PSD2: variants seen among roughly 807,000 people sequenced by gnomAD.
The protein encoded by PSD2 is pleckstrin and Sec7 domain containing 2.
A neutral mutation model predicts 69.8 loss-of-function variants in PSD2; 38 were observed. That is an observed-to-expected ratio of 0.54 (90% CI 0.42 to 0.71). The LOEUF (loss-of-function observed/expected upper bound fraction) is 0.71, where lower values mean the gene tolerates loss of function less well. PSD2 is among the 30% of genes least tolerant of loss of function. The probability of loss-of-function intolerance (pLI) is 0.00; values close to 1 mark genes in which losing one functional copy is unlikely to be tolerated. For synonymous variants in PSD2, 412 were observed against 423.0 expected (o/e 0.97, Z 0.32); for missense variants, 943 against 1,014.5 (o/e 0.93, Z 0.96).
chr5:139,821,479 T>A (rs7723670), intron 5 of PSD2, among the ~76,000 whole-genome samples: 1 of 151,864 alleles, frequency 6.6e-6, no homozygotes, highest in African/African-American at 2.4e-5. Flanking sequence ...GCTCAGCTGG[T>A]GGCACATGAA....
Position 139,839,936 on chromosome 5 carries a change from T to G in PSD2, c.1969-91T>G. ...GATGCTGGCTAGGCCTTCATTTCCC[T>G]TTGGTGGAGCAGCTCCTGGTAGAAC... On this transcript the variant is annotated intron_variant, in intron 13 of 14. Coordinates refer to ENST00000274710, the MANE Select transcript of PSD2 (RefSeq NM_032289.4). The surrounding 1 kb of genome is among the most constrained non-coding windows in gnomAD (Gnocchi z 5.1). The G allele has an allele frequency of 2.1e-6, 3 of 1,462,972 alleles. No individual in the cohort carries two copies. The South Asian group carries it at 3.7e-5, about 18-fold the overall frequency. 90.6% of individuals were successfully genotyped at this position (1,462,972 alleles called of 1,614,324 possible).
the PSD2 span, among the ~76,000 whole-genome samples, chr5:139,776,267 G>A: frequency 6.6e-6 from 1 of 152,368 alleles, no homozygotes; most frequent in South Asian, 2.1e-4. Flanking sequence ...CCCAAGGGCT[G>A]TAAGCTGGGA....
chr5:139,809,804 C>T lies in PSD2; in HGVS notation c.364C>T (p.Gln122Ter), dbSNP rs1759913417. 6.2e-7 allele frequency: 1 copy of T among 1,613,942 alleles called. No homozygotes were observed. The highest frequency in any genetic ancestry group is 8.5e-7 in the Non-Finnish European group (1 of 1,180,024). The change falls in exon 2 of 15, where the codon CAG becomes TAG. Residue 122 changes from glutamine (Q) to a stop codon, truncating the protein, a stop_gained. Transcript: ENST00000274710. LOFTEE classifies it high-confidence loss of function. ...RSLYPDAEDPQLGLDGPGEPD... is the reference protein window; with the variant it reads ...RSLYPDAEDP ...CCTCTACCCAGATGCTGAGGACCCT[C>T]AGCTGGGGTGAGTGGATGTCTTGGG...
Position 139,795,922 on chromosome 5 carries a change from G to A in PSD2, c.-104G>A, listed in dbSNP as rs1424366224. ...GGCGGGGCGGGACAGGCAGCCCGGC[G>A]GCCTCCGATGGCCCCGCCGTGAGAG... On this transcript the variant is annotated 5_prime_UTR_variant, in exon 1 of 15. Transcript: ENST00000274710. The surrounding 1 kb of genome is among the most constrained non-coding windows in gnomAD (Gnocchi z 4.5). 1.5e-4 allele frequency: 22 copies of A among 150,468 alleles called. No homozygotes were observed. The highest frequency in any genetic ancestry group is 5.3e-4 in the African/African-American group (22 of 41,246). The allele number at this position is 150,468 out of a possible 1,614,324, so 9.3% of individuals were successfully genotyped here.
At chr5:139,830,557 CCTTCCTTCCTTTCTTT>C (rs1760553173) in intron 7 of PSD2, among the ~76,000 whole-genome samples, 2 of 132,990 alleles carry the variant, frequency 1.5e-5, no homozygotes, top group African/African-American at 6.5e-5. Flanking sequence ...TTCCTTCCTT[CCTTCCTTCCTTTCTTT>C]CTTTCTTTCT....
the PSD2 span, among the ~76,000 whole-genome samples, chr5:139,787,270 T>G: frequency 6.6e-6 from 1 of 152,186 alleles, no homozygotes; most frequent in Non-Finnish European, 1.5e-5. Flanking sequence ...ATGCCTGAGC[T>G]GCAGGCTAAG....
upstream of PSD2, among the ~76,000 whole-genome samples, chr5:139,793,547 G>A (rs759816073): frequency 4.6e-5 from 7 of 152,206 alleles, no homozygotes; most frequent in Admixed American, 2.0e-4. Context: ...GATCCAGGGG[G>A]CAGAGACTAG....
chr5:139,831,401 AT>A (rs1359016798), intron 7 of PSD2, among the ~76,000 whole-genome samples: 1 of 152,170 alleles, frequency 6.6e-6, no homozygotes, highest in African/African-American at 2.4e-5. Context: ...GAATTATGAT[AT>A]ATTTGAGTTT....
chr5:139,817,281 G>A lies in PSD2; in HGVS notation c.1017-200G>A, dbSNP rs190881755. ...GCTCGTAATTCCCTGTGTTGACTGA[G>A]ACATCACCTCCTCCAGAAAGCCTTC... On this transcript the variant is annotated intron_variant, in intron 4 of 14. Coordinates refer to ENST00000274710, the MANE Select transcript of PSD2 (RefSeq NM_032289.4). Among the ~76,000 whole-genome samples the A allele has an allele frequency of 9.2e-5, 14 of 151,678 alleles. No individual in the cohort carries two copies. In the East Asian group the frequency reaches 2.5e-3, roughly 28 times the overall value.
chr5:139,839,753 T>C lies in PSD2; in HGVS notation c.1969-274T>C, dbSNP rs1437378007. Among the ~76,000 whole-genome samples the C allele has an allele frequency of 1.3e-5, 2 of 152,142 alleles. No homozygotes were observed. Among genetic ancestry groups the C allele is most frequent in the Non-Finnish European group, 2.9e-5 (2 of 68,020 alleles). On this transcript the variant is annotated intron_variant, in intron 13 of 14. Transcript: ENST00000274710. The surrounding 1 kb of genome is among the most constrained non-coding windows in gnomAD (Gnocchi z 5.1). ...GTGTCAGGGACTGTCTATGTGCACATATAAGTGTGAGCATCTCTTGTCTCC... is the reference window on the plus strand; with the variant it reads ...GTGTCAGGGACTGTCTATGTGCACACATAAGTGTGAGCATCTCTTGTCTCC...
the PSD2 span, among the ~76,000 whole-genome samples, chr5:139,788,572 G>A: frequency 2.0e-5 from 3 of 152,206 alleles, no homozygotes; most frequent in African/African-American, 7.2e-5. Flanking sequence ...AGGCCTGGAC[G>A]GCCAGCTGGA....
chr5:139,757,508 A>T, the PSD2 span, among the ~76,000 whole-genome samples: 1 of 152,160 alleles, frequency 6.6e-6, no homozygotes, highest in South Asian at 2.1e-4. Flanking sequence ...GCAGTCCCTG[A>T]AGGGAATGGA....
chr5:139,820,251 A>G (rs1342496387), intron 5 of PSD2, among the ~76,000 whole-genome samples: 1 of 151,920 alleles, frequency 6.6e-6, no homozygotes, highest in Non-Finnish European at 1.5e-5. Flanking sequence ...AGGAGTTGGG[A>G]TGGATGGCTC....
chr5:139,788,234 C>A, the PSD2 span, among the ~76,000 whole-genome samples: 4 of 152,018 alleles, frequency 2.6e-5, no homozygotes, highest in Admixed American at 2.0e-4. Context: ...CCGAGCTCCC[C>A]CTGCGGGAAC....
intron 4 of PSD2, among the ~76,000 whole-genome samples, chr5:139,816,819 A>T (rs953386907): frequency 6.6e-6 from 1 of 151,958 alleles, no homozygotes; most frequent in African/African-American, 2.4e-5. Context: ...GCTCAGCCCC[A>T]CCCTGAGCTG....
chr5:139,745,703 C>G, the PSD2 span, among the ~76,000 whole-genome samples: 1 of 152,240 alleles, frequency 6.6e-6, no homozygotes, highest in Non-Finnish European at 1.5e-5. Context: ...CCACTCCCTT[C>G]AGAGCAAACC....
upstream of PSD2, among the ~76,000 whole-genome samples, chr5:139,790,912 G>T (rs1759404687): frequency 6.6e-6 from 1 of 151,924 alleles, no homozygotes; most frequent in Non-Finnish European, 1.5e-5. Context: ...TGGTGGTTGG[G>T]TGGGGGGGAG....
intron 14 of PSD2, 80 bp from the exon 15 acceptor site, chr5:139,842,191 A>G: frequency 8.6e-7 from 1 of 1,160,460 alleles, no homozygotes; most frequent in Middle Eastern, 2.0e-4. Context: ...TATTAAGGAA[A>G]TTAGTCTTTT....
the PSD2 span, among the ~76,000 whole-genome samples, chr5:139,773,341 C>T: frequency 6.6e-6 from 1 of 152,278 alleles, no homozygotes; most frequent in African/African-American, 2.4e-5. Context: ...TAGCTCACTG[C>T]AGCCTTGAAT....
Sources: allele counts gnomAD v4.1 joint callset (sites outside exome capture counted in the v4.1 genomes callset), GRCh38; gene constraint gnomAD v4.1.1; non-coding constraint Gnocchi (gnomAD v3.1); transcripts MANE v1.5; gene names NCBI Gene and HGNC (gene_info 2026-07-23, HGNC 2026-07-21).